Variants in RNF220 observed in about 807,000 individuals in gnomAD.
RNF220 encodes ring finger protein 220.
A neutral mutation model predicts 67.1 loss-of-function variants in RNF220; 7 were observed. The ratio of observed to expected loss-of-function variants is 0.10; its 90% CI spans 0.06 to 0.20. RNF220 has a LOEUF of 0.20. Among genes scored for constraint, RNF220 ranks in the 10% least tolerant of loss-of-function variants. The probability of loss-of-function intolerance (pLI) is 1.00; values close to 1 mark genes in which losing one functional copy is unlikely to be tolerated. For missense variants in RNF220, 565 were observed against 740.3 expected, an observed-to-expected ratio of 0.76 and a Z score of 2.75; for synonymous variants, 270 against 283.2, an observed-to-expected ratio of 0.95 and a Z score of 0.47.
Position 44,486,206 on chromosome 1 carries a change from G to GAGAC in RNF220, c.625+73486_625+73487insACAG, listed in dbSNP as rs1443782715. ...AGCTAAAGCTGAGAATGTTCAGAAA[G>GAGAC]AGCATTCGCCCAGAACAAAGTGAAA... On this transcript the variant is annotated intron_variant, in intron 2 of 14. Coordinates refer to ENST00000361799, the MANE Select transcript of RNF220 (RefSeq NM_018150.4). Among the ~76,000 whole-genome samples, 20 of 151,722 alleles carry GAGAC rather than the reference G, an allele frequency of 1.3e-4. No homozygotes were observed. The South Asian group carries it at 4.2e-3, about 32-fold the overall frequency.
chr1:44,508,623 G>C (rs956141735), intron 2 of RNF220, among the ~76,000 whole-genome samples: 1 of 152,204 alleles, frequency 6.6e-6, no homozygotes, highest in African/African-American at 2.4e-5. Context: ...GTCAGAGTCA[G>C]AGTCCAGTGT....
intron 2 of RNF220, among the ~76,000 whole-genome samples, chr1:44,520,461 G>C (rs536436699): frequency 2.6e-5 from 4 of 152,046 alleles, no homozygotes; most frequent in Non-Finnish European, 5.9e-5. Context: ...GCGAGACTCC[G>C]TCTCAAAAAA....
intron 8 of RNF220, chr1:44,643,728 A>G (rs552915970): frequency 6.6e-6 from 1 of 152,440 alleles, no homozygotes; most frequent in East Asian, 1.9e-4. Flanking sequence ...AGAGTCTCAC[A>G]TTCTTTTGTC....
intron 2 of RNF220, among the ~76,000 whole-genome samples, chr1:44,592,453 G>T (rs1438221127): frequency 6.6e-6 from 1 of 152,168 alleles, no homozygotes; most frequent in Non-Finnish European, 1.5e-5. Flanking sequence ...ACAGCCCTGT[G>T]TTGTCCTGTT....
chr1:44,446,244 C>T (rs1015390451), intron 2 of RNF220, among the ~76,000 whole-genome samples: 3 of 152,098 alleles, frequency 2.0e-5, no homozygotes, highest in Middle Eastern at 3.2e-3. Context: ...TAAGAACAAA[C>T]GTAATGTTTT....
chr1:44,488,731 T>TC (rs1557974721), intron 2 of RNF220, among the ~76,000 whole-genome samples: 3 of 138,294 alleles, frequency 2.2e-5, no homozygotes, highest in South Asian at 2.4e-4. Flanking sequence ...TTTTTTCTTT[T>TC]TTTTTTTTTT....
chr1:44,534,925 T>C lies in RNF220; in HGVS notation c.626-79240T>C, dbSNP rs551488302. Among the ~76,000 whole-genome samples the C allele has an allele frequency of 2.6e-5, 4 of 152,278 alleles. No homozygotes were observed. In the East Asian group the frequency reaches 7.7e-4, roughly 29 times the overall value. ...GGAACAGAAATTTACTAAATGTTTTTAAGCTCTTCAAGTGGAGATGCTATT... is the reference window on the plus strand; with the variant it reads ...GGAACAGAAATTTACTAAATGTTTTCAAGCTCTTCAAGTGGAGATGCTATT... On this transcript the variant is annotated intron_variant, in intron 2 of 14. Transcript: ENST00000361799.
chr1:44,623,896 G>T (rs916712454), intron 4 of RNF220, among the ~76,000 whole-genome samples: 1 of 152,220 alleles, frequency 6.6e-6, no homozygotes, highest in African/African-American at 2.4e-5. Flanking sequence ...GAAGGGGCCC[G>T]TTGTATTTAG....
intron 2 of RNF220, among the ~76,000 whole-genome samples, chr1:44,544,786 A>C (rs548735929): frequency 3.3e-5 from 5 of 152,208 alleles, no homozygotes; most frequent in African/African-American, 1.2e-4. Context: ...CTCCATGCCC[A>C]CTCCACGGCG....
Position 44,557,195 on chromosome 1 carries a change from T to TTATATATA in RNF220, c.626-56961_626-56954dup, listed in dbSNP as rs201045333. On this transcript the variant is annotated intron_variant, in intron 2 of 14. Coordinates refer to ENST00000361799, the MANE Select transcript of RNF220 (RefSeq NM_018150.4). ...TATATATTAATATATAATATATATT[T>TTATATATA]TATATATATATATATAAGCTTCTTG... 6.4e-4 allele frequency among the ~76,000 whole-genome samples: 92 copies of TTATATATA among 144,266 alleles called. 1 individual carries two copies. The highest frequency in any genetic ancestry group is 2.2e-3 in the African/African-American group (87 of 39,080). The allele number at this position is 144,266 out of a possible 152,430, so 94.6% of individuals were successfully genotyped here.
At chr1:44,449,566 A>T (rs1296131789) in intron 2 of RNF220, among the ~76,000 whole-genome samples, 1 of 151,948 alleles carries the variant, frequency 6.6e-6, no homozygotes, top group Non-Finnish European at 1.5e-5. Context: ...GGCATGTGCC[A>T]CCATGCCCAG....
intron 8 of RNF220, among the ~76,000 whole-genome samples, chr1:44,640,476 G>A (rs1217567726): frequency 2.0e-5 from 3 of 152,208 alleles, no homozygotes; most frequent in Non-Finnish European, 4.4e-5. Context: ...GGATTTAATC[G>A]CCTTTTGGAA....
chr1:44,510,825 C>A (rs1184300253), intron 2 of RNF220, among the ~76,000 whole-genome samples: 1 of 152,014 alleles, frequency 6.6e-6, no homozygotes, highest in Non-Finnish European at 1.5e-5. Context: ...GGGCTTAATA[C>A]GGTCAATGAA....
At position 44,632,863 on chromosome 1, in the gene RNF220, TTTGAG is replaced by T. The variant is rs1296523399; in HGVS notation, c.949+481_949+485del. On this transcript the variant is annotated intron_variant, in intron 6 of 14. Coordinates refer to ENST00000361799, the MANE Select transcript of RNF220 (RefSeq NM_018150.4). ...CAGGAACTAACTCATCCCAGGGCTC[TTTGAG>T]TTATCAGTCGGCCCACATTTCACAA... is the stretch of plus-strand genomic sequence containing the variant. The T allele has an allele frequency of 1.7e-4, 28 of 165,366 alleles. No homozygotes were observed. The South Asian group carries it at 2.0e-3, about 12-fold the overall frequency. The allele number at this position is 165,366 out of a possible 1,614,324, so 10.2% of individuals were successfully genotyped here.
chr1:44,650,299 C>G lies in RNF220; in HGVS notation c.1629+342C>G, dbSNP rs1347225823. On this transcript the variant is annotated intron_variant, in intron 14 of 14. Transcript: ENST00000361799. This position sits in a 1 kb window ranked among gnomAD's most constrained non-coding sequence, Gnocchi z 4.3. ...ACCAGGGCCTTGGCCCCTCCCCCTC[C>G]CATTACTAAGCTCCTTCTGCTCCTG... The G allele has an allele frequency of 2.0e-6, 1 of 497,836 alleles. No individual in the cohort carries two copies. The highest frequency in any genetic ancestry group is 1.9e-5 in the African/African-American group (1 of 52,032). 30.8% of individuals were successfully genotyped at this position (497,836 alleles called of 1,614,324 possible). A position where few individuals can be genotyped will look rare whatever the true frequency, so the allele number is the denominator to read the frequency against.
intron 2 of RNF220, among the ~76,000 whole-genome samples, chr1:44,426,677 A>G (rs1186576934): frequency 6.6e-6 from 1 of 151,666 alleles, no homozygotes. Flanking sequence ...CAGTGAGCCA[A>G]GATTGTGCCA....
At chr1:44,580,329 G>C (rs1424458489) in intron 2 of RNF220, among the ~76,000 whole-genome samples, 1 of 152,118 alleles carries the variant, frequency 6.6e-6, no homozygotes, top group African/African-American at 2.4e-5. Flanking sequence ...AATAGAACTG[G>C]AGTGCCTATG....
rs1004456248 is a variant in RNF220 at position 44,632,351 on chromosome 1, G to C, written c.915G>C (p.Leu305=). The change falls in exon 6 of 15, where the codon CTG becomes CTC. Residue 305 remains leucine (L), a synonymous_variant. Coordinates refer to ENST00000361799, the MANE Select transcript of RNF220 (RefSeq NM_018150.4). The stretch of plus-strand genomic sequence containing the variant: ...CCGCGATCTTCTCCCAGACCTTTCT[G>C]CGAGTACGAGCCAACCGGCAGACCC... ...LHHSDRYQTF[L]RVRANRQTRL... 4.3e-6 allele frequency: 7 copies of C among 1,613,932 alleles called. No individual in the cohort carries two copies. The highest frequency in any genetic ancestry group is 1.7e-5 in the Admixed American group (1 of 59,998).
intron 2 of RNF220, among the ~76,000 whole-genome samples, chr1:44,566,747 T>C (rs1409735083): frequency 6.7e-6 from 1 of 150,152 alleles, no homozygotes; most frequent in Non-Finnish European, 1.5e-5. Context: ...TGGATTTCCC[T>C]GAAGGAGAGA....
Sources: gnomAD v4.1 joint callset for allele counts (sites outside exome capture counted in the v4.1 genomes callset) on GRCh38, gnomAD v4.1.1 for gene constraint, Gnocchi (gnomAD v3.1) non-coding constraint, MANE v1.5 for transcripts, NCBI Gene and HGNC (gene_info 2026-07-23, HGNC 2026-07-21) for gene names.